The following B3GAT1 variants were observed in gnomAD, a reference collection of about 807,000 sequenced individuals.
B3GAT1 encodes the protein beta-1,3-glucuronyltransferase 1.
A neutral mutation model predicts 28.4 loss-of-function variants in B3GAT1; 11 were observed. The observed-to-expected ratio is 0.39, with a 90% CI of 0.24 to 0.64. The LOEUF is 0.64. B3GAT1 is among the 30% of genes least tolerant of loss of function. B3GAT1 has a pLI of 0.50. For missense variants in B3GAT1, 375 were observed against 491.0 expected, an observed-to-expected ratio of 0.76 and a Z score of 2.23; for synonymous variants, 255 against 223.1, an observed-to-expected ratio of 1.14 and a Z score of -1.27.
At chr11:134,387,265 A>C in intron 2 of B3GAT1, 1 of 363,386 alleles carries the variant, frequency 2.8e-6, no homozygotes, top group Middle Eastern at 8.0e-4. Context: ...CCCAGGGGGC[A>C]GGGCGTGCCC....
At chr11:134,394,645 C>T (rs796761982) in intron 1 of B3GAT1, among the ~76,000 whole-genome samples, 14 of 152,362 alleles carry the variant, frequency 9.2e-5, no homozygotes, top group African/African-American at 3.4e-4. Flanking sequence ...AGCTTGGGCC[C>T]TGGGATGTCT....
At chr11:134,396,400 C>T (rs1266602255) in intron 1 of B3GAT1, among the ~76,000 whole-genome samples, 1 of 152,160 alleles carries the variant, frequency 6.6e-6, no homozygotes, top group African/African-American at 2.4e-5. Flanking sequence ...ACCCCCCTGC[C>T]ACCACCTCTT....
intron 1 of B3GAT1, among the ~76,000 whole-genome samples, chr11:134,399,999 C>A (rs1944578988): frequency 6.6e-6 from 1 of 152,202 alleles, no homozygotes; most frequent in African/African-American, 2.4e-5. Context: ...GAGCAGCCAA[C>A]TGCCCCACAG....
intron 5 of B3GAT1, chr11:134,381,659 G>GA: frequency 2.3e-6 from 1 of 439,788 alleles, no homozygotes; most frequent in Non-Finnish European, 4.2e-6. Context: ...ACTGCCAGCA[G>GA]AAAAATCAGC....
intron 2 of B3GAT1, chr11:134,387,308 TC>T: frequency 1.9e-6 from 1 of 531,752 alleles, no homozygotes; most frequent in Non-Finnish European, 3.3e-6. Context: ...AACAAGCTCT[TC>T]TTTCAAGGCA....
chr11:134,392,763 C>T (rs1425543855), intron 1 of B3GAT1, among the ~76,000 whole-genome samples: 2 of 152,114 alleles, frequency 1.3e-5, no homozygotes, highest in Non-Finnish European at 2.9e-5. Flanking sequence ...CTGATTGACC[C>T]AGGCTGGGGC....
chr11:134,404,923 A>G (rs997083409), intron 1 of B3GAT1, among the ~76,000 whole-genome samples: 14 of 152,172 alleles, frequency 9.2e-5, no homozygotes, highest in Admixed American at 5.9e-4. Flanking sequence ...AGGCTGGCAG[A>G]GCTGGGCCGG....
At chr11:134,381,211 G>A (rs992743859) in intron 5 of B3GAT1, among the ~76,000 whole-genome samples, 22 of 152,310 alleles carry the variant, frequency 1.4e-4, no homozygotes, top group African/African-American at 4.8e-4. Flanking sequence ...GTGTCACCTT[G>A]GAACATTCAT....
chr11:134,405,529 G>C (rs577315846), intron 1 of B3GAT1, among the ~76,000 whole-genome samples: 2 of 152,338 alleles, frequency 1.3e-5, no homozygotes, highest in South Asian at 4.1e-4. Context: ...GTCAGGGATA[G>C]TTGAGGTTGG....
intron 1 of B3GAT1, among the ~76,000 whole-genome samples, chr11:134,395,344 A>G (rs1188123649): frequency 6.6e-6 from 1 of 152,180 alleles, no homozygotes; most frequent in Non-Finnish European, 1.5e-5. Flanking sequence ...ACGCTGGACA[A>G]TGGTGAGCCA....
At chr11:134,394,973 C>T (rs1944476458) in intron 1 of B3GAT1, among the ~76,000 whole-genome samples, 1 of 152,100 alleles carries the variant, frequency 6.6e-6, no homozygotes, top group Admixed American at 6.5e-5. Context: ...TGGGGTTTGG[C>T]TTAGTATAGT....
chr11:134,403,798 G>A (rs1213934389), intron 1 of B3GAT1, among the ~76,000 whole-genome samples: 1 of 151,812 alleles, frequency 6.6e-6, no homozygotes, highest in South Asian at 2.1e-4. Context: ...TGACATGGAC[G>A]AATCTTGAGG....
intron 2 of B3GAT1, chr11:134,385,047 C>G (rs146367342): frequency 1.3e-5 from 2 of 152,350 alleles, no homozygotes; most frequent in South Asian, 2.1e-4. Flanking sequence ...TCTGCCGTTA[C>G]GAACCCTGTG....
intron 1 of B3GAT1, among the ~76,000 whole-genome samples, chr11:134,410,931 C>T (rs193270800): frequency 2.1e-4 from 32 of 152,376 alleles, no homozygotes; most frequent in Non-Finnish European, 5.9e-5. Context: ...CAGTAAAGGT[C>T]CCCTTCCTGT....
At position 134,383,667 on chromosome 11, in the gene B3GAT1, GGCC is replaced by G. The variant is rs1944193462; in HGVS notation, c.621+10_621+12del. 1 of 1,545,008 alleles carries G rather than the reference GGCC, an allele frequency of 6.5e-7. No homozygotes were observed. The highest frequency in any genetic ancestry group is 1.4e-5 in the African/African-American group (1 of 73,278). Reference sequence around the variant, plus strand: ...CCGGAGGTCCCGCTGCTCACTGTCGGGCCCTCCCTCACCTCTTCGAAGAGCTCC... The same window carrying G: ...CCGGAGGTCCCGCTGCTCACTGTCGGCTCCCTCACCTCTTCGAAGAGCTCC... On this transcript the variant is annotated intron_variant, in intron 3 of 5. Transcript: ENST00000312527.
intron 1 of B3GAT1, among the ~76,000 whole-genome samples, chr11:134,400,872 C>T (rs1484817780): frequency 1.3e-5 from 2 of 152,164 alleles, no homozygotes; most frequent in Admixed American, 6.5e-5. Context: ...ACATCCAGAA[C>T]CTACCAGGAA....
At position 134,387,681 on chromosome 11, in the gene B3GAT1, C is replaced by T. The variant is rs369890603; in HGVS notation, c.-22G>A. 3.1e-6 allele frequency: 5 copies of T among 1,613,702 alleles called. No homozygotes were observed. Among genetic ancestry groups the T allele is most frequent in the Non-Finnish European group, 3.4e-6 (4 of 1,179,912 alleles). Reference sequence around the variant, plus strand: ...GCATCTCCAAGGCTGGCTGCACCCACGGCTCCTCATTACCTGAGTGGCGGT... The same window carrying T: ...GCATCTCCAAGGCTGGCTGCACCCATGGCTCCTCATTACCTGAGTGGCGGT... On this transcript the variant is annotated 5_prime_UTR_variant, in exon 2 of 6. In the 5' UTR this introduces an upstream ATG that the reference lacks. Coordinates refer to ENST00000312527, the MANE Select transcript of B3GAT1 (RefSeq NM_054025.3).
intron 1 of B3GAT1, chr11:134,391,434 A>C (rs1421029173): frequency 6.6e-6 from 1 of 152,284 alleles, no homozygotes; most frequent in Non-Finnish European, 1.5e-5. Context: ...GTTGGCCAGC[A>C]CTGGTCCCCT....
chr11:134,384,451 T>A, intron 2 of B3GAT1: 1 of 484,856 alleles, frequency 2.1e-6, no homozygotes, highest in African/African-American at 2.0e-5. Context: ...TTGAGCGCAG[T>A]TGCCCATATT....
Sources: gnomAD v4.1 joint callset for allele counts (sites outside exome capture counted in the v4.1 genomes callset) on GRCh38, gnomAD v4.1.1 for gene constraint, MANE v1.5 for transcripts, NCBI Gene and HGNC (gene_info 2026-07-23, HGNC 2026-07-21) for gene names.